CNTN4: variants seen among roughly 807,000 people sequenced by gnomAD.
The protein encoded by CNTN4 is contactin 4.
In CNTN4, 77 loss-of-function variants were observed where a neutral mutation model predicts 122.5. That is an observed-to-expected ratio of 0.63 (90% CI 0.52 to 0.76). The LOEUF is 0.76. Ranked by LOEUF, CNTN4 falls within the 30% of genes least tolerant of loss-of-function variation. The probability of loss-of-function intolerance (pLI) is 0.00; values close to 1 mark genes in which losing one functional copy is unlikely to be tolerated. For synonymous variants in CNTN4, 512 were observed against 447.0 expected (o/e 1.15, Z -1.83); for missense variants, 1,256 against 1,259.1 (o/e 1.00, Z 0.04).
At chr3:2,762,937 CTTTTT>C (rs529635016) in intron 6 of CNTN4, among the ~76,000 whole-genome samples, 6 of 96,440 alleles carry the variant, frequency 6.2e-5, no homozygotes, top group Non-Finnish European at 8.2e-5. Context: ...TGATGTCAAG[CTTTTT>C]TTTTTTTTTT....
chr3:2,176,307 G>C (rs1169522192), intron 2 of CNTN4, among the ~76,000 whole-genome samples: 3 of 152,178 alleles, frequency 2.0e-5, no homozygotes, highest in Non-Finnish European at 4.4e-5. Flanking sequence ...TAAATAAAGG[G>C]TCTAATATGT....
chr3:2,581,799 G>A (rs906260954), intron 4 of CNTN4, among the ~76,000 whole-genome samples: 1 of 152,194 alleles, frequency 6.6e-6, no homozygotes, highest in Non-Finnish European at 1.5e-5. Context: ...GTCCCATACA[G>A]TGGAATATTA....
intron 14 of CNTN4, among the ~76,000 whole-genome samples, chr3:3,018,525 A>C (rs1019849197): frequency 2.6e-5 from 4 of 152,188 alleles, no homozygotes; most frequent in Admixed American, 2.6e-4. Context: ...GGAGAGCTCT[A>C]TGGAGACATG....
intron 2 of CNTN4, among the ~76,000 whole-genome samples, chr3:2,279,092 C>CTTAGATA (rs2041623220): frequency 2.0e-5 from 3 of 151,716 alleles, no homozygotes; most frequent in Non-Finnish European, 4.4e-5. Flanking sequence ...GTGGCTTGCT[C>CTTAGATA]ACGTTATCTA....
intron 2 of CNTN4, among the ~76,000 whole-genome samples, chr3:2,205,603 T>A (rs1489089933): frequency 6.6e-6 from 1 of 152,068 alleles, no homozygotes; most frequent in African/African-American, 2.4e-5. Flanking sequence ...TCTCTGATTT[T>A]CAAGGGACTA....
intron 2 of CNTN4, among the ~76,000 whole-genome samples, chr3:2,179,358 C>A (rs1031663189): frequency 5.3e-5 from 8 of 151,914 alleles, no homozygotes; most frequent in African/African-American, 1.9e-4. Context: ...AGCTGACAGT[C>A]CATAATGCCC....
chr3:2,287,635 A>AAGGAGAAGGAGAAGG (rs777888769), intron 2 of CNTN4, among the ~76,000 whole-genome samples: 15 of 31,972 alleles, frequency 4.7e-4, no homozygotes, highest in African/African-American at 8.6e-4. Context: ...GGAGAAGGAG[A>AAGGAGAAGGAGAAGG]AGAAGAAGAA....
chr3:2,999,289 CA>C (rs763527819), intron 14 of CNTN4: 6 of 152,090 alleles, frequency 3.9e-5, no homozygotes, highest in Non-Finnish European at 5.9e-5. Flanking sequence ...ATAGCATCAG[CA>C]AAACAAAACA....
chr3:2,352,607 G>A (rs1490635243), intron 3 of CNTN4, among the ~76,000 whole-genome samples: 1 of 152,152 alleles, frequency 6.6e-6, no homozygotes, highest in Non-Finnish European at 1.5e-5. Flanking sequence ...AATTCTCACC[G>A]GGCCTCTGCT....
chr3:3,012,926 C>T lies in CNTN4; in HGVS notation c.1487-13176C>T, dbSNP rs535656254. Among the ~76,000 whole-genome samples, 151 of 151,964 alleles carry T rather than the reference C, an allele frequency of 9.9e-4. 2 individuals carry two copies. Among genetic ancestry groups the T allele is most frequent in the Non-Finnish European group, 7.8e-4 (53 of 67,956 alleles). ...GAAGTTGCTGTGAGCCGAGACTGTG[C>T]CGTTGCACTCCAGCCCGGGCAACAA... is the stretch of plus-strand genomic sequence containing the variant. On this transcript the variant is annotated intron_variant, in intron 14 of 24. Coordinates refer to ENST00000418658, the MANE Select transcript of CNTN4 (RefSeq NM_175607.3).
chr3:2,681,540 C>T (rs2728017), intron 4 of CNTN4, among the ~76,000 whole-genome samples: 9,709 of 152,100 alleles, frequency 0.064, 383 homozygotes, highest in African/African-American at 0.1. Flanking sequence ...GCCTGAATTA[C>T]GTATCTTTCC....
intron 2 of CNTN4, among the ~76,000 whole-genome samples, chr3:2,204,687 A>C (rs2149404823): frequency 6.6e-6 from 1 of 152,238 alleles, no homozygotes; most frequent in East Asian, 1.9e-4. Flanking sequence ...TTTTTTTTAA[A>C]AGAACTGTTG....
chr3:2,804,065 G>GCACACACACACACA (rs71058651), intron 6 of CNTN4, among the ~76,000 whole-genome samples: 38 of 144,434 alleles, frequency 2.6e-4, no homozygotes, highest in South Asian at 1.1e-3. Context: ...ATATATGTCT[G>GCACACACACACACA]CACACACACA....
intron 4 of CNTN4, among the ~76,000 whole-genome samples, chr3:2,657,224 C>T (rs2083632369): frequency 1.3e-5 from 2 of 152,112 alleles, no homozygotes; most frequent in Admixed American, 1.3e-4. Flanking sequence ...TAAAAATGAC[C>T]TCTAGCTTCG....
chr3:2,604,175 A>G (rs943556553), intron 4 of CNTN4, among the ~76,000 whole-genome samples: 5 of 152,190 alleles, frequency 3.3e-5, no homozygotes, highest in African/African-American at 1.2e-4. Flanking sequence ...AGATATCACT[A>G]ATGACAACCA....
chr3:2,470,158 C>T (rs2075635336), intron 3 of CNTN4, among the ~76,000 whole-genome samples: 1 of 152,004 alleles, frequency 6.6e-6, no homozygotes. Flanking sequence ...CTCTGCCTCC[C>T]AGGTTCAAGC....
chr3:2,133,419 G>C (rs1323038872), intron 2 of CNTN4, among the ~76,000 whole-genome samples: 2 of 152,160 alleles, frequency 1.3e-5, no homozygotes, highest in African/African-American at 2.4e-5. Flanking sequence ...GCTGTTGCTA[G>C]CAGAGGACTA....
chr3:2,932,634 C>T (rs1029761074), intron 13 of CNTN4, among the ~76,000 whole-genome samples: 8 of 151,934 alleles, frequency 5.3e-5, no homozygotes, highest in South Asian at 2.1e-4. Context: ...AGGTTTATTT[C>T]GCCAGGGTTG....
intron 3 of CNTN4, among the ~76,000 whole-genome samples, chr3:2,551,363 A>G (rs893769541): frequency 3.3e-5 from 5 of 152,148 alleles, no homozygotes; most frequent in Non-Finnish European, 5.9e-5. Context: ...ATATGTTTGT[A>G]TATCATGTGT....
Sources: gnomAD v4.1 joint callset for allele counts (sites outside exome capture counted in the v4.1 genomes callset) on GRCh38, gnomAD v4.1.1 for gene constraint, MANE v1.5 for transcripts, NCBI Gene and HGNC (gene_info 2026-07-23, HGNC 2026-07-21) for gene names.